The following EYA1 variants were observed in gnomAD, a reference collection of about 807,000 sequenced individuals.
EYA1 encodes the protein protein phosphatase EYA1.
In EYA1, 16 loss-of-function variants were observed where a neutral mutation model predicts 82.0. The observed-to-expected ratio is 0.20, with a 90% CI of 0.13 to 0.30. EYA1 has a LOEUF of 0.30. Among genes scored for constraint, EYA1 ranks in the 10% least tolerant of loss-of-function variants. The pLI, the probability that EYA1 is intolerant of heterozygous loss-of-function variation, is 1.00. For missense variants in EYA1, 633 were observed against 730.7 expected (o/e 0.87, Z 1.54); for synonymous variants, 261 against 264.4 (o/e 0.99, Z 0.12).
At chr8:71,218,578 A>G (rs1028538697) in intron 12 of EYA1, among the ~76,000 whole-genome samples, 9 of 152,048 alleles carry the variant, frequency 5.9e-5, no homozygotes, top group Admixed American at 3.3e-4. Context: ...CTCAGATAAG[A>G]GAAAAGGAAA....
chr8:71,456,666 T>A (rs1007568202), intron 2 of EYA1, among the ~76,000 whole-genome samples: 1 of 152,140 alleles, frequency 6.6e-6, no homozygotes, highest in Admixed American at 6.5e-5. Flanking sequence ...GGGAAAGGAT[T>A]CCCTATTTAA....
At chr8:71,342,979 G>A (rs1825313941) in intron 3 of EYA1, among the ~76,000 whole-genome samples, 2 of 152,158 alleles carry the variant, frequency 1.3e-5, no homozygotes, top group South Asian at 4.2e-4. Flanking sequence ...TTGCAATTCA[G>A]AACATATACA....
intron 2 of EYA1, among the ~76,000 whole-genome samples, chr8:71,384,973 A>G (rs904323720): frequency 6.6e-6 from 1 of 152,180 alleles, no homozygotes; most frequent in Non-Finnish European, 1.5e-5. Flanking sequence ...GTAGACCCTT[A>G]TAAATTTCAA....
At chr8:71,429,735 G>A (rs1023218787) in intron 2 of EYA1, among the ~76,000 whole-genome samples, 3 of 152,144 alleles carry the variant, frequency 2.0e-5, no homozygotes, top group African/African-American at 7.2e-5. Flanking sequence ...AGGGACTTGT[G>A]TATTTCCAGA....
intron 11 of EYA1, among the ~76,000 whole-genome samples, chr8:71,262,008 T>A (rs1363566667): frequency 3.3e-5 from 5 of 152,232 alleles, no homozygotes; most frequent in Non-Finnish European, 7.3e-5. Context: ...TCTTCCATCA[T>A]GTCCCTAATT....
chr8:71,493,795 G>A (rs1179049872), intron 2 of EYA1, among the ~76,000 whole-genome samples: 2 of 150,512 alleles, frequency 1.3e-5, no homozygotes, highest in African/African-American at 2.4e-5. Flanking sequence ...AGGCCGAGGC[G>A]GGCGGATCAC....
chr8:71,393,455 T>A (rs1829397216), intron 2 of EYA1, among the ~76,000 whole-genome samples: 1 of 152,024 alleles, frequency 6.6e-6, no homozygotes, highest in Non-Finnish European at 1.5e-5. Flanking sequence ...CTCCAACCAC[T>A]CCACGACAGT....
At chr8:71,320,398 A>T (rs1822405481) in intron 6 of EYA1, among the ~76,000 whole-genome samples, 1 of 152,302 alleles carries the variant, frequency 6.6e-6, no homozygotes, top group Non-Finnish European at 1.5e-5. Context: ...ACGTAAATCA[A>T]AGACTGCCTT....
chr8:71,530,890 G>C (rs1330065928), intron 2 of EYA1: 1 of 152,126 alleles, frequency 6.6e-6, no homozygotes, highest in Non-Finnish European at 1.5e-5. Flanking sequence ...GTACAATGGA[G>C]CCCTAAAGTA....
At chr8:71,289,079 T>TC (rs1232236048) in intron 9 of EYA1, among the ~76,000 whole-genome samples, 1 of 152,056 alleles carries the variant, frequency 6.6e-6, no homozygotes, top group Non-Finnish European at 1.5e-5. Flanking sequence ...TTATTTAAAA[T>TC]TTTTTTTAAA....
intron 17 of EYA1, among the ~76,000 whole-genome samples, chr8:71,199,782 G>GTACTT (rs1358076524): frequency 6.6e-6 from 1 of 152,172 alleles, no homozygotes; most frequent in African/African-American, 2.4e-5. Flanking sequence ...TAAAAAGCTT[G>GTACTT]TACTTTATGA....
intron 9 of EYA1, among the ~76,000 whole-genome samples, chr8:71,272,719 A>G (rs1054711734): frequency 6.6e-5 from 10 of 152,264 alleles, no homozygotes; most frequent in South Asian, 2.1e-4. Flanking sequence ...ACTCACACCA[A>G]TTTTGTACTT....
intron 11 of EYA1, among the ~76,000 whole-genome samples, chr8:71,262,043 C>T (rs749591843): frequency 4.6e-5 from 7 of 152,332 alleles, no homozygotes; most frequent in South Asian, 4.1e-4. Context: ...GCCCACAGAA[C>T]GAAATCCTGG....
At chr8:71,489,473 A>G (rs1410384100) in intron 2 of EYA1, among the ~76,000 whole-genome samples, 1 of 152,244 alleles carries the variant, frequency 6.6e-6, no homozygotes, top group Non-Finnish European at 1.5e-5. Flanking sequence ...TACATACATA[A>G]GGGAAGCCAT....
At chr8:71,340,712 C>T (rs963817480) in intron 3 of EYA1, among the ~76,000 whole-genome samples, 1 of 152,054 alleles carries the variant, frequency 6.6e-6, no homozygotes, top group Non-Finnish European at 1.5e-5. Context: ...AAGTCTTATG[C>T]ATTTCAATAT....
chr8:71,307,061 T>C (rs1005127982), intron 7 of EYA1, among the ~76,000 whole-genome samples: 1 of 152,030 alleles, frequency 6.6e-6, no homozygotes, highest in Non-Finnish European at 1.5e-5. Flanking sequence ...TGTCATAAAG[T>C]ATTAGGTGTG....
intron 2 of EYA1, among the ~76,000 whole-genome samples, chr8:71,397,100 A>G (rs1248244889): frequency 6.6e-6 from 1 of 152,202 alleles, no homozygotes; most frequent in East Asian, 1.9e-4. Flanking sequence ...ATCAGAGACC[A>G]GGATTGCAAC....
chr8:71,285,672 C>T (rs1182173810), intron 9 of EYA1, among the ~76,000 whole-genome samples: 2 of 152,308 alleles, frequency 1.3e-5, no homozygotes, highest in African/African-American at 2.4e-5. Flanking sequence ...TGCATATTAA[C>T]CCAAAAGGCT....
At chr8:71,482,428 A>G (rs540784710) in intron 2 of EYA1, among the ~76,000 whole-genome samples, 1 of 152,334 alleles carries the variant, frequency 6.6e-6, no homozygotes, top group African/African-American at 2.4e-5. Context: ...GAGTGCTCAC[A>G]CATTGCTGGT....
Sources: gnomAD v4.1 joint callset for allele counts (sites outside exome capture counted in the v4.1 genomes callset) on GRCh38, gnomAD v4.1.1 for gene constraint, MANE v1.5 for transcripts, NCBI Gene and HGNC (gene_info 2026-07-23, HGNC 2026-07-21) for gene names.